Variants in PHACTR3 observed in about 807,000 individuals in gnomAD.
PHACTR3 encodes phosphatase and actin regulator 3, also known as protein phosphatase 1, regulatory subunit 123.
In PHACTR3, 16 loss-of-function variants were observed where a neutral mutation model predicts 66.8. The ratio of observed to expected loss-of-function variants is 0.24; its 90% CI spans 0.16 to 0.36. The LOEUF is 0.36. PHACTR3 is among the 10% of genes least tolerant of loss of function. The pLI is 1.00. For synonymous variants in PHACTR3, 323 were observed against 292.1 expected (o/e 1.11, Z -1.08); for missense variants, 647 against 719.9 (o/e 0.90, Z 1.16).
At chr20:59,690,641 TCTC>T (rs139416634) in intron 1 of PHACTR3, among the ~76,000 whole-genome samples, 4,784 of 152,248 alleles carry the variant, frequency 0.031, 108 homozygotes, top group Middle Eastern at 0.065. Flanking sequence ...ATATCTTCCT[TCTC>T]CTCCTCTTTC....
intron 1 of PHACTR3, among the ~76,000 whole-genome samples, chr20:59,728,506 C>A (rs936272370): frequency 6.6e-6 from 1 of 152,206 alleles, no homozygotes; most frequent in East Asian, 1.9e-4. Flanking sequence ...GTGGAGACAA[C>A]CTAAATGCCC....
intron 1 of PHACTR3, among the ~76,000 whole-genome samples, chr20:59,611,028 C>T (rs886470600): frequency 6.6e-6 from 1 of 152,256 alleles, no homozygotes; most frequent in South Asian, 2.1e-4. Context: ...GCCAGAAGGG[C>T]CTCTTTGGAC....
intron 7 of PHACTR3, among the ~76,000 whole-genome samples, chr20:59,802,097 G>A (rs533278323): frequency 2.0e-5 from 3 of 152,310 alleles, no homozygotes; most frequent in South Asian, 4.2e-4. Context: ...AGGAGAGCAG[G>A]AGGTCCTACT....
chr20:59,607,921 A>G (rs2033720839), intron 1 of PHACTR3, among the ~76,000 whole-genome samples: 1 of 152,106 alleles, frequency 6.6e-6, no homozygotes, highest in South Asian at 2.1e-4. Context: ...CTGGGCACAA[A>G]CTGCCTTGTA....
rs577560339 is a variant in PHACTR3, at chr20:59,671,087, T to C, written c.118+65955T>C. On this transcript the variant is annotated intron_variant, in intron 1 of 12. Coordinates refer to ENST00000371015, the MANE Select transcript of PHACTR3 (RefSeq NM_080672.5). ...GCATTTGGTTTCAGAGAGAACCATG[T>C]GGTTCTCCTTCTGTTTATTCTGAGC... is the stretch of plus-strand genomic sequence containing the variant. 8.5e-5 allele frequency among the ~76,000 whole-genome samples: 13 copies of C among 152,310 alleles called. No individual in the cohort carries two copies. In the South Asian group the frequency reaches 2.3e-3, roughly 27 times the overall value.
At chr20:59,744,471 C>A (rs1288015842) in intron 2 of PHACTR3, among the ~76,000 whole-genome samples, 1 of 152,216 alleles carries the variant, frequency 6.6e-6, no homozygotes, top group South Asian at 2.1e-4. Context: ...CCAGCCCTGG[C>A]GAGTGCCCGT....
intron 8 of PHACTR3, among the ~76,000 whole-genome samples, chr20:59,810,480 C>T (rs2147013622): frequency 6.6e-6 from 1 of 152,356 alleles, no homozygotes; most frequent in Middle Eastern, 3.4e-3. Flanking sequence ...TTCCCTACAG[C>T]AGTGGCTTAA....
chr20:59,796,768 G>A (rs1446814866), intron 7 of PHACTR3, among the ~76,000 whole-genome samples: 1 of 152,060 alleles, frequency 6.6e-6, no homozygotes, highest in Non-Finnish European at 1.5e-5. Flanking sequence ...ATTTCCTTCT[G>A]CTTTTAGAAT....
intron 1 of PHACTR3, among the ~76,000 whole-genome samples, chr20:59,659,817 CT>C (rs1191095927): frequency 6.6e-6 from 1 of 152,176 alleles, no homozygotes; most frequent in African/African-American, 2.4e-5. Context: ...GCAGTACTAG[CT>C]TTCTGAACCT....
chr20:59,786,035 A>T (rs2040902718), intron 7 of PHACTR3, among the ~76,000 whole-genome samples: 1 of 152,204 alleles, frequency 6.6e-6, no homozygotes, highest in African/African-American at 2.4e-5. Context: ...TTGGATTCAG[A>T]GGTCAGAATA....
intron 1 of PHACTR3, among the ~76,000 whole-genome samples, chr20:59,739,068 C>T (rs548061780): frequency 1.3e-5 from 2 of 152,252 alleles, no homozygotes; most frequent in African/African-American, 4.8e-5. Flanking sequence ...CTCTGCCTCC[C>T]GTGGCCTTGG....
chr20:59,762,337 G>A (rs879785211), intron 4 of PHACTR3, among the ~76,000 whole-genome samples: 4 of 152,274 alleles, frequency 2.6e-5, no homozygotes, highest in Non-Finnish European at 4.4e-5. Context: ...CCTTAAGGCA[G>A]TGGCACTATG....
At chr20:59,655,785 A>G (rs2035601936) in intron 1 of PHACTR3, among the ~76,000 whole-genome samples, 2 of 151,884 alleles carry the variant, frequency 1.3e-5, no homozygotes, top group South Asian at 4.2e-4. Context: ...ATTTAGAGCT[A>G]TAGGCTTCTA....
chr20:59,747,985 C>G (rs1377285541), intron 3 of PHACTR3, 150 bp downstream of exon 3: 2 of 750,706 alleles, frequency 2.7e-6, no homozygotes, highest in Non-Finnish European at 4.3e-6. Context: ...GAGAGACACC[C>G]CATGTCAGGA....
chr20:59,600,931 A>C (rs146409938), upstream of PHACTR3, among the ~76,000 whole-genome samples: 638 of 148,698 alleles, frequency 4.3e-3, 4 homozygotes, highest in Non-Finnish European at 6.0e-3. Flanking sequence ...AGCTCAGCCT[A>C]GTGCCTCTAC....
At chr20:59,651,189 C>T (rs1274603824) in intron 1 of PHACTR3, among the ~76,000 whole-genome samples, 1 of 152,068 alleles carries the variant, frequency 6.6e-6, no homozygotes, top group Non-Finnish European at 1.5e-5. Context: ...TGCACCACTG[C>T]CCTTCAGCCT....
At chr20:59,577,734 C>T (rs773517348) in intron 1 of PHACTR3, 271 of 681,104 alleles carry the variant, frequency 4.0e-4, no homozygotes, top group Non-Finnish European at 4.9e-4. Context: ...TGCGGGTGGC[C>T]GGGAGGCCCG....
chr20:59,632,041 C>T (rs1322987081), intron 1 of PHACTR3, among the ~76,000 whole-genome samples: 1 of 152,188 alleles, frequency 6.6e-6, no homozygotes, highest in Non-Finnish European at 1.5e-5. Context: ...TCGTCCTCAC[C>T]TTGTGGTGTA....
At chr20:59,589,808 C>T (rs1284412927) in intron 1 of PHACTR3, among the ~76,000 whole-genome samples, 1 of 152,252 alleles carries the variant, frequency 6.6e-6, no homozygotes, top group Non-Finnish European at 1.5e-5. Context: ...GAAGTAAACA[C>T]TAATAGTGTG....
Sources: allele counts gnomAD v4.1 joint callset (sites outside exome capture counted in the v4.1 genomes callset), GRCh38; gene constraint gnomAD v4.1.1; transcripts MANE v1.5; gene names NCBI Gene and HGNC (gene_info 2026-07-23, HGNC 2026-07-21).